Variants in KCNIP1 observed in about 807,000 individuals in gnomAD.
KCNIP1 encodes the protein potassium voltage-gated channel interacting protein 1.
Under a neutral mutation model 33.0 loss-of-function variants are expected in KCNIP1, and 18 were observed. The ratio of observed to expected loss-of-function variants is 0.55; its 90% confidence interval spans 0.38 to 0.81. The LOEUF (loss-of-function observed/expected upper bound fraction) is 0.81. Among genes scored for constraint, KCNIP1 ranks in the 30% least tolerant of loss-of-function variants. The pLI is 0.00. For synonymous variants in KCNIP1, 93 were observed against 98.3 expected (o/e 0.95, Z 0.32); for missense variants, 238 against 271.6 (o/e 0.88, Z 0.87).
chr5:170,622,510 T>C (rs1759641807), intron 1 of KCNIP1, among the ~76,000 whole-genome samples: 1 of 151,410 alleles, frequency 6.6e-6, no homozygotes, highest in African/African-American at 2.4e-5. Context: ...TAATCCCAGC[T>C]ACTCGGGAGG....
At chr5:170,400,676 TG>T (rs1301378685) in intron 1 of KCNIP1, among the ~76,000 whole-genome samples, 1 of 152,256 alleles carries the variant, frequency 6.6e-6, no homozygotes, top group African/African-American at 2.4e-5. Flanking sequence ...AAGTGGTTAC[TG>T]TGGTTATCCT....
intron 1 of KCNIP1, among the ~76,000 whole-genome samples, chr5:170,524,239 C>A (rs1160538815): frequency 6.6e-6 from 1 of 152,158 alleles, no homozygotes; most frequent in Non-Finnish European, 1.5e-5. Flanking sequence ...AGACCCTTCC[C>A]AAGCTGCCAA....
At chr5:170,594,509 C>CT (rs965776215) in intron 1 of KCNIP1, among the ~76,000 whole-genome samples, 37 of 151,716 alleles carry the variant, frequency 2.4e-4, no homozygotes, top group East Asian at 1.2e-3. Flanking sequence ...ACTACAGTTT[C>CT]TTTTTTTTTA....
intron 1 of KCNIP1, among the ~76,000 whole-genome samples, chr5:170,576,205 C>A (rs1185306182): frequency 8.5e-5 from 13 of 152,188 alleles, no homozygotes; most frequent in Admixed American, 8.5e-4. Context: ...GGGCACTCTG[C>A]ATAAGCATGG....
intron 1 of KCNIP1, among the ~76,000 whole-genome samples, chr5:170,426,096 G>A (rs910204168): frequency 2.6e-5 from 4 of 152,276 alleles, no homozygotes; most frequent in Middle Eastern, 3.4e-3. Context: ...ATTTGGAAGC[G>A]GCTGGTTCCT....
chr5:170,450,865 C>G (rs1472600079), intron 1 of KCNIP1, among the ~76,000 whole-genome samples: 1 of 152,164 alleles, frequency 6.6e-6, no homozygotes, highest in East Asian at 1.9e-4. Flanking sequence ...CCCTGCAAGG[C>G]CAGGGGCTTT....
intron 1 of KCNIP1, among the ~76,000 whole-genome samples, chr5:170,695,886 G>A (rs188502622): frequency 0.022 from 3,361 of 152,164 alleles, 42 homozygotes; most frequent in Middle Eastern, 0.034. Context: ...AGGTGTGGTG[G>A]CATGCGCCTG....
intron 1 of KCNIP1, among the ~76,000 whole-genome samples, chr5:170,641,771 C>T (rs543693825): frequency 2.6e-5 from 4 of 152,320 alleles, no homozygotes; most frequent in African/African-American, 9.6e-5. Flanking sequence ...CGATCTACGA[C>T]ATTGGCTTCA....
At chr5:170,649,558 A>C (rs1760947090) in intron 1 of KCNIP1, among the ~76,000 whole-genome samples, 1 of 152,180 alleles carries the variant, frequency 6.6e-6, no homozygotes, top group Non-Finnish European at 1.5e-5. Flanking sequence ...GGCATCTTTT[A>C]CTTCAGATAT....
intron 1 of KCNIP1, among the ~76,000 whole-genome samples, chr5:170,454,014 C>A (rs1756316017): frequency 6.6e-6 from 1 of 152,220 alleles, no homozygotes; most frequent in South Asian, 2.1e-4. Flanking sequence ...CGTGTCCATT[C>A]TTCTGACCCA....
intron 1 of KCNIP1, among the ~76,000 whole-genome samples, chr5:170,359,117 TA>T (rs1330418488): frequency 1.3e-5 from 2 of 152,138 alleles, no homozygotes; most frequent in Non-Finnish European, 2.9e-5. Context: ...AGGACAGCCA[TA>T]CCCATGCTCT....
intron 1 of KCNIP1, among the ~76,000 whole-genome samples, chr5:170,456,992 C>T (rs1756397550): frequency 6.6e-6 from 1 of 152,048 alleles, no homozygotes; most frequent in Admixed American, 6.5e-5. Context: ...AATGCTGAGC[C>T]ACCACACCCA....
chr5:170,458,435 G>A (rs775454286), intron 1 of KCNIP1, among the ~76,000 whole-genome samples: 1 of 152,154 alleles, frequency 6.6e-6, no homozygotes, highest in Admixed American at 6.5e-5. Context: ...AGAATCTTAA[G>A]AGCTGTGAGG....
At chr5:170,541,850 G>A (rs530863182) in intron 1 of KCNIP1, among the ~76,000 whole-genome samples, 6 of 152,270 alleles carry the variant, frequency 3.9e-5, no homozygotes, top group East Asian at 1.9e-4. Context: ...ACAAAAATGC[G>A]ATAACACCTA....
intron 1 of KCNIP1, among the ~76,000 whole-genome samples, chr5:170,576,728 T>G (rs900645077): frequency 6.6e-6 from 1 of 152,208 alleles, no homozygotes; most frequent in African/African-American, 2.4e-5. Context: ...ATTAACCTGG[T>G]ACCTGTCACA....
chr5:170,432,766 G>A (rs531851122), intron 1 of KCNIP1, among the ~76,000 whole-genome samples: 1 of 152,262 alleles, frequency 6.6e-6, no homozygotes, highest in African/African-American at 2.4e-5. Flanking sequence ...TTATATCCTC[G>A]CTACAACCTT....
At chr5:170,475,349 G>A (rs766586128) in intron 1 of KCNIP1, among the ~76,000 whole-genome samples, 1 of 152,112 alleles carries the variant, frequency 6.6e-6, no homozygotes, top group Non-Finnish European at 1.5e-5. Context: ...CAGCTCCTGC[G>A]TGCCAGGCAT....
intron 1 of KCNIP1, among the ~76,000 whole-genome samples, chr5:170,539,258 T>C (rs1756106040): frequency 6.6e-6 from 1 of 152,178 alleles, no homozygotes; most frequent in Non-Finnish European, 1.5e-5. Flanking sequence ...TTAATAAGCC[T>C]GAAGGGAAAC....
At chr5:170,561,827 C>G (rs561449127) in intron 1 of KCNIP1, among the ~76,000 whole-genome samples, 21 of 152,338 alleles carry the variant, frequency 1.4e-4, no homozygotes, top group African/African-American at 4.8e-4. Flanking sequence ...GACCTGCCCC[C>G]ACAGAGTGTA....
Sources: gnomAD v4.1 joint callset for allele counts (sites outside exome capture counted in the v4.1 genomes callset) on GRCh38, gnomAD v4.1.1 for gene constraint, MANE v1.5 for transcripts, NCBI Gene and HGNC (gene_info 2026-07-23, HGNC 2026-07-21) for gene names.